The following DNAJB4 variants were observed in gnomAD, a reference collection of about 807,000 sequenced individuals.
DNAJB4 encodes the protein DnaJ heat shock protein family (Hsp40) member B4.
In DNAJB4, 10 loss-of-function variants were observed where a neutral mutation model predicts 26.6. That is an observed-to-expected ratio of 0.38 (90% confidence interval 0.23 to 0.64). DNAJB4 has a LOEUF of 0.64. Ranked by LOEUF, DNAJB4 falls within the 30% of genes least tolerant of loss-of-function variation. The pLI, the probability that DNAJB4 is intolerant of heterozygous loss-of-function variation, is 0.58. For synonymous variants in DNAJB4, 136 were observed against 134.8 expected, an observed-to-expected ratio of 1.01 and a Z score of -0.06; for missense variants, 328 against 408.2, an observed-to-expected ratio of 0.80 and a Z score of 1.69.
chr1:77,984,588 T>A (rs1413505352), intron 1 of DNAJB4, among the ~76,000 whole-genome samples: 1 of 152,232 alleles, frequency 6.6e-6, no homozygotes, highest in East Asian at 1.9e-4. Context: ...GGCTAGATTG[T>A]AGTAAATGTT....
At chr1:77,987,139 C>T (rs1281032274) in intron 1 of DNAJB4, among the ~76,000 whole-genome samples, 4 of 152,188 alleles carry the variant, frequency 2.6e-5, no homozygotes, top group Admixed American at 2.6e-4. Flanking sequence ...GCCCCACTTT[C>T]CTAGTAATAG....
upstream of DNAJB4, chr1:78,004,518 A>G (rs896853125): frequency 3.9e-5 from 6 of 151,916 alleles, no homozygotes; most frequent in African/African-American, 1.4e-4. Context: ...GGTATTATAT[A>G]CTTAACAGAC....
At chr1:78,010,201 A>G (rs1275824674) in intron 1 of DNAJB4, among the ~76,000 whole-genome samples, 2 of 152,150 alleles carry the variant, frequency 1.3e-5, no homozygotes, top group African/African-American at 4.8e-5. Context: ...TATGGGTGCA[A>G]GTATTTAAAT....
At chr1:77,998,742 G>A (rs1331243420) in intron 1 of DNAJB4, among the ~76,000 whole-genome samples, 1 of 152,068 alleles carries the variant, frequency 6.6e-6, no homozygotes, top group African/African-American at 2.4e-5. Context: ...GGGGGCTGAG[G>A]TGGGAAAATG....
intron 1 of DNAJB4, among the ~76,000 whole-genome samples, chr1:77,996,505 A>G (rs1348270902): frequency 6.6e-6 from 1 of 152,108 alleles, no homozygotes; most frequent in East Asian, 1.9e-4. Context: ...GTGTCTCCAA[A>G]TCTAGTAATT....
chr1:77,986,906 C>T (rs79190372), intron 1 of DNAJB4, among the ~76,000 whole-genome samples: 3,020 of 152,166 alleles, frequency 0.02, 68 homozygotes, highest in East Asian at 0.11. Context: ...TGACTTTACT[C>T]CCCTAATGAT....
chr1:77,988,041 C>G (rs190128137), intron 1 of DNAJB4, among the ~76,000 whole-genome samples: 4 of 140,656 alleles, frequency 2.8e-5, no homozygotes, highest in Admixed American at 7.2e-5. Context: ...TTCCCCCCCC[C>G]CCCAGACAGT....
chr1:77,980,339 A>ATATATATATGTGTG (rs1477495217), intron 1 of DNAJB4: 12 of 126,070 alleles, frequency 9.5e-5, no homozygotes, highest in African/African-American at 4.3e-4. Flanking sequence ...ATATATATAT[A>ATATATATATGTGTG]TGTGTGTGTG....
Position 78,005,273 on chromosome 1 carries a change from T to C in DNAJB4, c.163T>C (p.Leu55=). The change falls in exon 1 of 3, where the codon TTG becomes CTG. Residue 55 remains leucine, a synonymous_variant. Coordinates refer to ENST00000370763, the MANE Select transcript of DNAJB4 (RefSeq NM_007034.5). The stretch of plus-strand genomic sequence containing the variant: ...AGAGGTCGCAGAAGCTTATGAAGTA[T>C]TGAGTGATCCTAAAAAGAGAGAAAT... The part of the protein sequence containing the change: ...FKEVAEAYEV[L]SDPKKREIYD... 6.2e-7 allele frequency: 1 copy of C among 1,613,954 alleles called. No individual in the cohort carries two copies.
At chr1:77,990,940 C>G (rs1254445928) in intron 1 of DNAJB4, among the ~76,000 whole-genome samples, 4 of 152,080 alleles carry the variant, frequency 2.6e-5, no homozygotes, top group Non-Finnish European at 4.4e-5. Flanking sequence ...AAAACAGGAC[C>G]CCGCTGGTTA....
intron 1 of DNAJB4, among the ~76,000 whole-genome samples, chr1:77,999,364 A>T (rs1228141999): frequency 6.6e-6 from 1 of 152,124 alleles, no homozygotes; most frequent in African/African-American, 2.4e-5. Context: ...GTGAGAAAGC[A>T]TATGGAAGTA....
At chr1:78,014,096 AT>A (rs1660569311) in intron 2 of DNAJB4, among the ~76,000 whole-genome samples, 1 of 151,870 alleles carries the variant, frequency 6.6e-6, no homozygotes, top group African/African-American at 2.4e-5. Context: ...TGTTAATACA[AT>A]TATTATTTGA....
chr1:78,007,662 G>C (rs1440429270), intron 1 of DNAJB4, among the ~76,000 whole-genome samples: 1 of 152,174 alleles, frequency 6.6e-6, no homozygotes, highest in Non-Finnish European at 1.5e-5. Context: ...TCCTTCACAG[G>C]AAAGTATTAT....
chr1:77,986,717 TA>T (rs1659800474), intron 1 of DNAJB4, among the ~76,000 whole-genome samples: 1 of 152,194 alleles, frequency 6.6e-6, no homozygotes, highest in South Asian at 2.1e-4. Flanking sequence ...TTTTGAAAAT[TA>T]AATGAGATTA....
chr1:77,979,514 G>A (rs907197152), upstream of DNAJB4: 4 of 154,224 alleles, frequency 2.6e-5, no homozygotes, highest in African/African-American at 7.2e-5. Flanking sequence ...TGTCTCGAGA[G>A]CGCTGCCGCC....
At chr1:77,980,936 A>G (rs1181001603) in intron 1 of DNAJB4, among the ~76,000 whole-genome samples, 1 of 152,204 alleles carries the variant, frequency 6.6e-6, no homozygotes, top group Non-Finnish European at 1.5e-5. Flanking sequence ...ATCATAATGT[A>G]TAGAAAAACA....
Position 77,989,539 on chromosome 1 carries a change from T to C in DNAJB4, c.-32+9217T>C, listed in dbSNP as rs375134068. On this transcript the variant is annotated intron_variant, in intron 1 of 2. Transcript: ENST00000426517. Reference sequence around the variant, plus strand: ...CCTCATAGAATTCTGAGAGACTAAATGAGGATACATGTGTTTTTAGGTTAA... The same window carrying C: ...CCTCATAGAATTCTGAGAGACTAAACGAGGATACATGTGTTTTTAGGTTAA... 2.0e-5 allele frequency among the ~76,000 whole-genome samples: 3 copies of C among 152,354 alleles called. No individual in the cohort carries two copies. In the South Asian group the frequency reaches 6.2e-4, roughly 32 times the overall value.
chr1:77,980,714 C>G (rs1001148027), intron 1 of DNAJB4, among the ~76,000 whole-genome samples: 1 of 152,072 alleles, frequency 6.6e-6, no homozygotes, highest in Non-Finnish European at 1.5e-5. Context: ...TTCTGAAAAC[C>G]TAAAAGTAAT....
chr1:78,015,919 C>A, intron 2 of DNAJB4, 95 bp from the exon 3 acceptor site: 1 of 1,027,728 alleles, frequency 9.7e-7, no homozygotes, highest in African/African-American at 1.6e-5. Context: ...TAAAGTTTTA[C>A]CTTAGTGGTA....
Sources: gnomAD v4.1 joint callset for allele counts (sites outside exome capture counted in the v4.1 genomes callset) on GRCh38, gnomAD v4.1.1 for gene constraint, MANE v1.5 for transcripts, NCBI Gene and HGNC (gene_info 2026-07-23, HGNC 2026-07-21) for gene names.